PTCHD4: variants seen among roughly 807,000 people sequenced by gnomAD.
PTCHD4 encodes patched domain containing 4, also known as patched domain-containing protein 4.
PTCHD4 carries 33 observed loss-of-function variants against 58.1 expected under a neutral mutation model. The observed-to-expected ratio is 0.57, with a 90% CI of 0.43 to 0.76. The LOEUF is 0.76. PTCHD4 is among the 30% of genes least tolerant of loss of function. The pLI is 0.00. For synonymous variants in PTCHD4, 478 were observed against 409.6 expected, an observed-to-expected ratio of 1.17 and a Z score of -2.02; for missense variants, 1,058 against 1,027.1, an observed-to-expected ratio of 1.03 and a Z score of -0.41.
Position 47,880,949 on chromosome 6 carries a change from C to T in PTCHD4, c.899-1013G>A, listed in dbSNP as rs542375742. 2.0e-5 allele frequency among the ~76,000 whole-genome samples: 3 copies of T among 152,270 alleles called. No homozygotes were observed. The South Asian group carries it at 6.2e-4, about 32-fold the overall frequency. On this transcript the variant is annotated intron_variant, in intron 4 of 4. Coordinates refer to ENST00000339488, the MANE Select transcript of PTCHD4 (RefSeq NM_001384253.1). ...TTCCCTGAATTGGACCTGTCAATGA[C>T]CATCCATAATATATCAATTGGTAGC...
intron 3 of PTCHD4, among the ~76,000 whole-genome samples, chr6:48,014,404 G>A (rs1762796264): frequency 6.6e-6 from 1 of 152,122 alleles, no homozygotes; most frequent in South Asian, 2.1e-4. Context: ...TAATTATCCT[G>A]TGGACAGAAC....
chr6:47,917,311 A>G (rs1765291635), intron 4 of PTCHD4, among the ~76,000 whole-genome samples: 1 of 152,198 alleles, frequency 6.6e-6, no homozygotes, highest in African/African-American at 2.4e-5. Flanking sequence ...AAATTGCTCA[A>G]GGTCATGTTT....
At chr6:47,904,480 G>A (rs183120017) in intron 4 of PTCHD4, among the ~76,000 whole-genome samples, 15 of 152,322 alleles carry the variant, frequency 9.8e-5, no homozygotes, top group Admixed American at 7.2e-4. Flanking sequence ...GACCATACAC[G>A]TAGCAAAGTG....
At chr6:48,095,507 C>A (rs879694896) in intron 1 of PTCHD4, among the ~76,000 whole-genome samples, 1 of 152,040 alleles carries the variant, frequency 6.6e-6, no homozygotes, top group Non-Finnish European at 1.5e-5. Flanking sequence ...CACGGTGAAA[C>A]CCCGTCTCTA....
chr6:48,089,098 A>G (rs1765316606), intron 1 of PTCHD4, among the ~76,000 whole-genome samples: 1 of 152,166 alleles, frequency 6.6e-6, no homozygotes, highest in African/African-American at 2.4e-5. Flanking sequence ...CTATGATGCA[A>G]GCTTTCCTAT....
At chr6:47,979,678 G>A (rs938181956) in intron 4 of PTCHD4, among the ~76,000 whole-genome samples, 4 of 151,974 alleles carry the variant, frequency 2.6e-5, no homozygotes, top group East Asian at 1.9e-4. Context: ...TATTCAATTA[G>A]TACCTAATAT....
chr6:47,996,532 TCAGTTGGAGAA>T (rs532150414), intron 4 of PTCHD4, among the ~76,000 whole-genome samples: 30 of 152,190 alleles, frequency 2.0e-4, no homozygotes, highest in Admixed American at 1.4e-3. Context: ...AGCCCCGGGC[TCAGTTGGAGAA>T]CAGCTAGCAG....
intron 3 of PTCHD4, among the ~76,000 whole-genome samples, chr6:48,060,155 A>G (rs1182080933): frequency 6.6e-6 from 1 of 152,186 alleles, no homozygotes; most frequent in Non-Finnish European, 1.5e-5. Flanking sequence ...CAGACACAAA[A>G]GTTTCCTAAA....
chr6:47,962,295 A>G (rs1767127908), intron 4 of PTCHD4, among the ~76,000 whole-genome samples: 1 of 152,170 alleles, frequency 6.6e-6, no homozygotes, highest in African/African-American at 2.4e-5. Flanking sequence ...CTAATGACTT[A>G]GGCATTCAGG....
At chr6:48,021,915 A>T (rs1436540231) in intron 3 of PTCHD4, among the ~76,000 whole-genome samples, 3 of 152,150 alleles carry the variant, frequency 2.0e-5, no homozygotes, top group Non-Finnish European at 2.9e-5. Context: ...TGAAGGTGGT[A>T]CCTTTCTGAA....
At chr6:48,086,147 T>C (rs901387321) in intron 1 of PTCHD4, among the ~76,000 whole-genome samples, 1 of 152,200 alleles carries the variant, frequency 6.6e-6, no homozygotes, top group African/African-American at 2.4e-5. Flanking sequence ...CAAAATATGG[T>C]CTGTGTCACA....
intron 4 of PTCHD4, among the ~76,000 whole-genome samples, chr6:47,914,310 G>A (rs1398361057): frequency 6.6e-6 from 1 of 152,112 alleles, no homozygotes; most frequent in Admixed American, 6.6e-5. Flanking sequence ...TTCTGGGCAT[G>A]TCTGTGAGGG....
At chr6:47,892,122 A>G (rs1196193852) in intron 4 of PTCHD4, among the ~76,000 whole-genome samples, 1 of 152,148 alleles carries the variant, frequency 6.6e-6, no homozygotes, top group African/African-American at 2.4e-5. Flanking sequence ...TTAACATAGG[A>G]GGAGGGAGGA....
At chr6:48,007,336 T>C (rs1416645451) in intron 4 of PTCHD4, among the ~76,000 whole-genome samples, 2 of 152,234 alleles carry the variant, frequency 1.3e-5, no homozygotes, top group Admixed American at 1.3e-4. Flanking sequence ...TCCCATCATC[T>C]ATCATATAAA....
chr6:47,908,931 C>A (rs1764983862), intron 4 of PTCHD4, among the ~76,000 whole-genome samples: 1 of 152,008 alleles, frequency 6.6e-6, no homozygotes, highest in African/African-American at 2.4e-5. Context: ...AATAATGATG[C>A]AAATAGAAAA....
chr6:47,932,138 C>T (rs1765844846), intron 4 of PTCHD4, among the ~76,000 whole-genome samples: 1 of 152,162 alleles, frequency 6.6e-6, no homozygotes, highest in South Asian at 2.1e-4. Context: ...ACTGAAGAAT[C>T]CCCAGGGTGT....
At position 47,858,059 on chromosome 6, in the gene PTCHD4, C is replaced by T. The variant is rs1763339668; in HGVS notation, c.*20244G>A. ...TTGTAAGCTAAAGAGTGGTAAAATT[C>T]CACCATCTATGGACATTTGAATTTG... On this transcript the variant is annotated 3_prime_UTR_variant, in exon 5 of 5. Coordinates refer to ENST00000339488, the MANE Select transcript of PTCHD4 (RefSeq NM_001384253.1). Among the ~76,000 whole-genome samples the T allele has an allele frequency of 3.3e-5, 5 of 152,036 alleles. No homozygotes were observed. The South Asian group carries it at 1.0e-3, about 32-fold the overall frequency.
At chr6:47,892,575 C>T (rs569022766) in intron 4 of PTCHD4, among the ~76,000 whole-genome samples, 1 of 152,140 alleles carries the variant, frequency 6.6e-6, no homozygotes, top group Non-Finnish European at 1.5e-5. Flanking sequence ...TGGATGCTGA[C>T]TTAGGATTTT....
At chr6:48,100,957 A>C (rs1294371828) in intron 1 of PTCHD4, among the ~76,000 whole-genome samples, 1 of 152,200 alleles carries the variant, frequency 6.6e-6, no homozygotes, top group African/African-American at 2.4e-5. Context: ...TTAAAAAATA[A>C]TAAGCAATTT....
Sources: allele counts gnomAD v4.1 joint callset (sites outside exome capture counted in the v4.1 genomes callset), GRCh38; gene constraint gnomAD v4.1.1; transcripts MANE v1.5; gene names NCBI Gene and HGNC (gene_info 2026-07-23, HGNC 2026-07-21).